DLG2: variants seen among roughly 807,000 people sequenced by gnomAD.
DLG2 encodes disks large homolog 2.
DLG2 carries 45 observed loss-of-function variants against 132.5 expected under a neutral mutation model. The ratio of observed to expected loss-of-function variants is 0.34; its 90% CI spans 0.27 to 0.44. DLG2 has a LOEUF of 0.44. Among genes scored for constraint, DLG2 ranks in the 20% least tolerant of loss-of-function variants. The pLI, the probability that DLG2 is intolerant of heterozygous loss-of-function variation, is 1.00. For missense variants in DLG2, 1,045 were observed against 1,196.9 expected, an observed-to-expected ratio of 0.87 and a Z score of 1.87; for synonymous variants, 424 against 419.6, an observed-to-expected ratio of 1.01 and a Z score of -0.13.
intron 7 of DLG2, among the ~76,000 whole-genome samples, chr11:84,253,823 C>CA (rs2097423823): frequency 6.6e-6 from 1 of 151,848 alleles, no homozygotes. Context: ...TTTCTGACCT[C>CA]AAAATTCATT....
chr11:83,490,420 G>A (rs2093773473), intron 21 of DLG2, among the ~76,000 whole-genome samples: 1 of 151,964 alleles, frequency 6.6e-6, no homozygotes, highest in Admixed American at 6.6e-5. Context: ...CTTCTTTAGA[G>A]TATGACTAAT....
intron 21 of DLG2, among the ~76,000 whole-genome samples, chr11:83,530,643 C>T (rs1221420990): frequency 6.6e-6 from 1 of 152,034 alleles, no homozygotes; most frequent in Admixed American, 6.6e-5. Flanking sequence ...TAACATCACA[C>T]TTCATGGCGA....
intron 16 of DLG2, among the ~76,000 whole-genome samples, chr11:83,853,824 GCAA>G (rs1266769467): frequency 6.6e-6 from 1 of 152,026 alleles, no homozygotes; most frequent in Admixed American, 6.6e-5. Context: ...CAGAAACAAG[GCAA>G]GAATGTTCCC....
At chr11:83,687,347 A>C (rs535612945) in intron 18 of DLG2, among the ~76,000 whole-genome samples, 3 of 152,196 alleles carry the variant, frequency 2.0e-5, no homozygotes, top group African/African-American at 4.8e-5. Flanking sequence ...CAGGTTTCAC[A>C]GCTAGAAATT....
intron 3 of DLG2, among the ~76,000 whole-genome samples, chr11:85,362,528 T>A (rs1336571540): frequency 6.6e-6 from 1 of 152,080 alleles, no homozygotes; most frequent in Non-Finnish European, 1.5e-5. Flanking sequence ...GTCTTTAGAG[T>A]TTCCTAGATA....
intron 3 of DLG2, among the ~76,000 whole-genome samples, chr11:85,536,152 G>T (rs933790975): frequency 2.0e-5 from 3 of 146,972 alleles, no homozygotes; most frequent in Non-Finnish European, 3.0e-5. Flanking sequence ...GGAGGCAGAG[G>T]GTGCAGTGAG....
At chr11:85,612,976 A>G (rs546336906) in intron 2 of DLG2, among the ~76,000 whole-genome samples, 49 of 152,314 alleles carry the variant, frequency 3.2e-4, no homozygotes, top group African/African-American at 1.1e-3. Context: ...CTGCTGAGAA[A>G]GGAGGACTCT....
At chr11:84,983,514 G>A (rs1273539583) in intron 6 of DLG2, among the ~76,000 whole-genome samples, 1 of 152,052 alleles carries the variant, frequency 6.6e-6, no homozygotes, top group African/African-American at 2.4e-5. Flanking sequence ...GCCCTACACT[G>A]TCCCTCTGAC....
At chr11:84,551,342 G>A (rs1425603777) in intron 6 of DLG2, among the ~76,000 whole-genome samples, 4 of 152,082 alleles carry the variant, frequency 2.6e-5, no homozygotes, top group Non-Finnish European at 2.9e-5. Flanking sequence ...GCAACTTAAT[G>A]TGCAATTGTA....
intron 14 of DLG2, among the ~76,000 whole-genome samples, chr11:83,953,107 C>A (rs888495256): frequency 2.0e-5 from 3 of 151,920 alleles, no homozygotes; most frequent in Non-Finnish European, 4.4e-5. Flanking sequence ...ACGACATAAC[C>A]CAAAACTTAT....
chr11:84,700,387 T>C (rs545921093), intron 6 of DLG2, among the ~76,000 whole-genome samples: 1 of 151,586 alleles, frequency 6.6e-6, no homozygotes, highest in African/African-American at 2.4e-5. Context: ...TTCATGGGCA[T>C]GTAAAAATTG....
chr11:85,530,780 T>A (rs1259945431), intron 3 of DLG2, among the ~76,000 whole-genome samples: 3 of 152,240 alleles, frequency 2.0e-5, no homozygotes, highest in Non-Finnish European at 4.4e-5. Flanking sequence ...CCTCAACAGT[T>A]TATTGCCAAG....
chr11:84,319,418 C>T (rs1207786876), intron 7 of DLG2, among the ~76,000 whole-genome samples: 1 of 152,164 alleles, frequency 6.6e-6, no homozygotes, highest in Non-Finnish European at 1.5e-5. Context: ...TCTTATCTAA[C>T]CATAGATGCT....
intron 11 of DLG2, among the ~76,000 whole-genome samples, chr11:84,033,259 T>C (rs761744527): frequency 1.2e-4 from 19 of 152,190 alleles, no homozygotes; most frequent in Non-Finnish European, 2.5e-4. Flanking sequence ...AGATTCATGA[T>C]TCATGGGAGG....
At chr11:84,420,793 C>T (rs564657816) in intron 7 of DLG2, among the ~76,000 whole-genome samples, 1 of 150,550 alleles carries the variant, frequency 6.6e-6, no homozygotes, top group Non-Finnish European at 1.5e-5. Flanking sequence ...CTCAGCCTCC[C>T]AAGTAGCTGG....
intron 6 of DLG2, among the ~76,000 whole-genome samples, chr11:84,895,951 T>G (rs967900148): frequency 3.4e-4 from 52 of 152,218 alleles, no homozygotes; most frequent in African/African-American, 1.3e-3. Flanking sequence ...AAATGGCTAC[T>G]TTATTAATAT....
intron 3 of DLG2, among the ~76,000 whole-genome samples, chr11:85,496,352 G>C (rs2093667853): frequency 6.6e-6 from 1 of 152,196 alleles, no homozygotes; most frequent in Admixed American, 6.5e-5. Flanking sequence ...AAAGGGAGGA[G>C]CATCCACCAT....
intron 7 of DLG2, among the ~76,000 whole-genome samples, chr11:84,461,883 T>G (rs532175305): frequency 6.6e-6 from 1 of 150,962 alleles, no homozygotes; most frequent in African/African-American, 2.4e-5. Context: ...GGCACAACAC[T>G]TGCCACATAG....
intron 3 of DLG2, among the ~76,000 whole-genome samples, chr11:85,567,839 G>T (rs2077612738): frequency 6.6e-6 from 1 of 151,962 alleles, no homozygotes; most frequent in Non-Finnish European, 1.5e-5. Flanking sequence ...ATGAAAATGT[G>T]TTAGATTTTG....
Sources: gnomAD v4.1 joint callset for allele counts (sites outside exome capture counted in the v4.1 genomes callset) on GRCh38, gnomAD v4.1.1 for gene constraint, MANE v1.5 for transcripts, NCBI Gene and HGNC (gene_info 2026-07-23, HGNC 2026-07-21) for gene names.